The following IPCEF1 variants were observed in gnomAD, a reference collection of about 807,000 sequenced individuals.
IPCEF1 encodes interactor protein for cytohesin exchange factors 1.
IPCEF1 carries 31 observed loss-of-function variants against 50.9 expected under a neutral mutation model. The ratio of observed to expected loss-of-function variants is 0.61; its 90% CI spans 0.46 to 0.82. IPCEF1 has a LOEUF of 0.82. IPCEF1 is among the 40% of genes least tolerant of loss of function. The pLI is 0.00. For missense variants in IPCEF1, 458 were observed against 514.0 expected, an observed-to-expected ratio of 0.89 and a Z score of 1.05; for synonymous variants, 181 against 192.0, an observed-to-expected ratio of 0.94 and a Z score of 0.47.
intron 1 of IPCEF1, among the ~76,000 whole-genome samples, chr6:154,355,483 T>C (rs2067914335): frequency 7.2e-6 from 1 of 139,368 alleles, no homozygotes; most frequent in Non-Finnish European, 1.6e-5. Flanking sequence ...GTTTCTTTTC[T>C]TTCTTTCTTT....
chr6:154,249,791 A>G (rs1368026281), intron 3 of IPCEF1, among the ~76,000 whole-genome samples: 2 of 151,860 alleles, frequency 1.3e-5, no homozygotes, highest in Non-Finnish European at 2.9e-5. Context: ...AAGCCCCAAA[A>G]TGTGAGCTTT....
In IPCEF1 at chr6:154,247,476, G is replaced by A. The variant is rs200153966; in HGVS notation, c.49C>T (p.Arg17Cys). 7 of 1,612,004 alleles carry A rather than the reference G, an allele frequency of 4.3e-6. No individual in the cohort carries two copies. The highest frequency in any genetic ancestry group is 5.9e-6 in the Non-Finnish European group (7 of 1,178,432). ...IDGSALQVPL[R>C]QKPRRKTQGF... ...TGAGTTTTCCTCCTGGGCTTCTGAC[G>A]CAAGGGAACCTGCTGAAAATGCAGG... is the stretch of plus-strand genomic sequence containing the variant. Residue 17 changes from arginine to cysteine, a missense_variant, in exon 4 of 12, where the codon CGT (arginine) becomes TGT (cysteine). Physicochemically the swap from Arg to Cys is radical, Grantham distance 180 (BLOSUM62 -3). Coordinates refer to ENST00000367220, the MANE Select transcript of IPCEF1 (RefSeq NM_001130700.2).
At position 154,168,046 on chromosome 6, in the gene IPCEF1, T is replaced by C. The variant is rs144797418; in HGVS notation, c.978A>G (p.Leu326=). Residue 326 remains leucine (L), a synonymous_variant, in exon 11 of 12, where the codon CTA becomes CTG. Transcript: ENST00000367220. This position sits in a 1 kb window ranked among gnomAD's most constrained non-coding sequence, Gnocchi z 4.1. ...KLYKSLEQAS[L]SPLGDRRPST... ...AAGGTCGTCGGTCCCCAAGAGGAGATAGACTAGCTTGCTCTAATGATTTGT... is the reference window on the plus strand; with the variant it reads ...AAGGTCGTCGGTCCCCAAGAGGAGACAGACTAGCTTGCTCTAATGATTTGT... The C allele has an allele frequency of 2.2e-5, 35 of 1,609,910 alleles. No individual in the cohort carries two copies. In the South Asian group the frequency reaches 3.5e-4, roughly 16 times the overall value.
At chr6:154,210,720 A>T (rs1310535197) in intron 9 of IPCEF1, among the ~76,000 whole-genome samples, 1 of 152,256 alleles carries the variant, frequency 6.6e-6, no homozygotes, top group East Asian at 1.9e-4. Context: ...ATAGTAAGAA[A>T]GAATAATATT....
chr6:154,302,536 A>G (rs1782823123), intron 1 of IPCEF1, among the ~76,000 whole-genome samples: 1 of 152,102 alleles, frequency 6.6e-6, no homozygotes, highest in Admixed American at 6.6e-5. Context: ...GTGCAGTGGC[A>G]TGAGCTCAGT....
intron 10 of IPCEF1, among the ~76,000 whole-genome samples, chr6:154,181,605 G>A (rs938858344): frequency 2.0e-5 from 3 of 152,182 alleles, no homozygotes; most frequent in Non-Finnish European, 2.9e-5. Flanking sequence ...TGACTGAACT[G>A]GACAGACCAA....
chr6:154,348,134 C>T (rs556362988), intron 1 of IPCEF1, among the ~76,000 whole-genome samples: 8 of 152,262 alleles, frequency 5.3e-5, no homozygotes, highest in Admixed American at 2.6e-4. Flanking sequence ...CCTCTCAAGG[C>T]AACTAATTTG....
intron 1 of IPCEF1, among the ~76,000 whole-genome samples, chr6:154,303,026 G>A (rs1468461875): frequency 6.6e-6 from 1 of 151,214 alleles, no homozygotes; most frequent in African/African-American, 2.4e-5. Context: ...CAACCCAACA[G>A]CTTTAGTAAA....
intron 1 of IPCEF1, among the ~76,000 whole-genome samples, chr6:154,294,770 T>C (rs748092312): frequency 3.2e-4 from 48 of 152,166 alleles, no homozygotes; most frequent in Non-Finnish European, 4.6e-4. Flanking sequence ...TAATCTTTCA[T>C]GGTTGTGTGA....
chr6:154,312,338 G>A (rs2128681270), intron 1 of IPCEF1, among the ~76,000 whole-genome samples: 1 of 151,990 alleles, frequency 6.6e-6, no homozygotes, highest in South Asian at 2.1e-4. Context: ...GAGAGAAGTT[G>A]GTCAAAGAAT....
In IPCEF1 at chr6:154,204,520, T is replaced by G. The variant is rs368247268; in HGVS notation, c.538-4480A>C. Among the ~76,000 whole-genome samples, 6 of 152,322 alleles carry G rather than the reference T, an allele frequency of 3.9e-5. No individual in the cohort carries two copies. The South Asian group carries it at 1.2e-3, about 32-fold the overall frequency. On this transcript the variant is annotated intron_variant, in intron 9 of 11. Coordinates refer to ENST00000367220, the MANE Select transcript of IPCEF1 (RefSeq NM_001130700.2). ...GTATCATGTTTGTATTTCTCCTATA[T>G]GCCAGGAGAAGCATCACCCTAAATA...
chr6:154,229,786 C>T (rs1779580686), intron 5 of IPCEF1, among the ~76,000 whole-genome samples: 1 of 152,200 alleles, frequency 6.6e-6, no homozygotes, highest in Non-Finnish European at 1.5e-5. Flanking sequence ...GTTATAACAG[C>T]TTTATTCATA....
intron 2 of IPCEF1, among the ~76,000 whole-genome samples, chr6:154,288,415 G>A (rs1279188100): frequency 6.6e-6 from 1 of 152,170 alleles, no homozygotes; most frequent in Non-Finnish European, 1.5e-5. Context: ...TGTAATCCCA[G>A]CACTTTGGGA....
chr6:154,251,043 T>G (rs1269047312), intron 3 of IPCEF1, among the ~76,000 whole-genome samples: 1 of 152,168 alleles, frequency 6.6e-6, no homozygotes, highest in African/African-American at 2.4e-5. Context: ...TTTTTTATCC[T>G]TCCCAGAAAA....
intron 7 of IPCEF1, chr6:154,219,318 T>G (rs889857278): frequency 6.6e-6 from 1 of 152,286 alleles, no homozygotes; most frequent in Non-Finnish European, 1.5e-5. Context: ...CACCTCTTGC[T>G]GGAGAGAGGA....
intron 5 of IPCEF1, among the ~76,000 whole-genome samples, chr6:154,233,525 A>G (rs1213541435): frequency 1.3e-5 from 2 of 151,930 alleles, no homozygotes; most frequent in African/African-American, 4.8e-5. Flanking sequence ...TAGATATTCT[A>G]CATAGACAAC....
intron 7 of IPCEF1, among the ~76,000 whole-genome samples, chr6:154,218,334 T>C (rs1778580563): frequency 6.6e-6 from 1 of 152,228 alleles, no homozygotes; most frequent in African/African-American, 2.4e-5. Context: ...ACGAACTCTT[T>C]CATTACCCTT....
chr6:154,287,737 T>C (rs1041560451), intron 2 of IPCEF1, among the ~76,000 whole-genome samples: 5 of 152,196 alleles, frequency 3.3e-5, no homozygotes, highest in Non-Finnish European at 4.4e-5. Context: ...CCCACTGTGA[T>C]GGGGAGGTCC....
At chr6:154,238,070 G>A (rs1308828548) in intron 5 of IPCEF1, among the ~76,000 whole-genome samples, 1 of 152,148 alleles carries the variant, frequency 6.6e-6, no homozygotes, top group Non-Finnish European at 1.5e-5. Context: ...ACAGCCATCA[G>A]AAATGATGTT....
Sources: gnomAD v4.1 joint callset for allele counts (sites outside exome capture counted in the v4.1 genomes callset) on GRCh38, gnomAD v4.1.1 for gene constraint, Gnocchi (gnomAD v3.1) non-coding constraint, MANE v1.5 for transcripts, NCBI Gene and HGNC (gene_info 2026-07-23, HGNC 2026-07-21) for gene names.